ANO6: variants seen among roughly 807,000 people sequenced by gnomAD.
ANO6 encodes anoctamin-6.
In ANO6, 106 loss-of-function variants were observed where a neutral mutation model predicts 117.5. The observed-to-expected ratio is 0.90, with a 90% CI of 0.77 to 1.06. The LOEUF (loss-of-function observed/expected upper bound fraction) is 1.06. Ranked by LOEUF, ANO6 falls within the 50% of genes least tolerant of loss-of-function variation. The probability of loss-of-function intolerance (pLI) is 0.00; values close to 1 mark genes in which losing one functional copy is unlikely to be tolerated. For synonymous variants in ANO6, 367 were observed against 385.1 expected (o/e 0.95, Z 0.55); for missense variants, 955 against 1,121.1 (o/e 0.85, Z 2.12).
intron 1 of ANO6, among the ~76,000 whole-genome samples, chr12:45,216,822 C>T (rs1024363127): frequency 1.1e-4 from 17 of 152,312 alleles, no homozygotes; most frequent in African/African-American, 3.4e-4. Flanking sequence ...CAGGGTGTGA[C>T]CCATCTGAAT....
intron 1 of ANO6, among the ~76,000 whole-genome samples, chr12:45,232,804 G>C (rs188951125): frequency 6.6e-6 from 1 of 152,158 alleles, no homozygotes; most frequent in East Asian, 1.9e-4. Flanking sequence ...AACAAAACTC[G>C]GTCAGTCACC....
rs184650234 is a variant in ANO6, at chr12:45,317,056, A to G, written c.151-14239A>G. Among the ~76,000 whole-genome samples the G allele has an allele frequency of 2.8e-5, 4 of 141,486 alleles. 1 individual carries two copies. Among genetic ancestry groups the G allele is most frequent in the African/African-American group, 1.0e-4 (4 of 39,606 alleles). 92.8% of individuals were successfully genotyped at this position (141,486 alleles called of 152,430 possible). Reference sequence around the variant, plus strand: ...CTTCTAAAACAGTAAGAAGGGTATCATTTTTTATACATTTTGCAGATCTCT... The same window carrying G: ...CTTCTAAAACAGTAAGAAGGGTATCGTTTTTTATACATTTTGCAGATCTCT... On this transcript the variant is annotated intron_variant, in intron 2 of 19. Coordinates refer to ENST00000320560, the MANE Select transcript of ANO6 (RefSeq NM_001025356.3).
At chr12:45,292,942 C>T (rs1215765930) in intron 1 of ANO6, 1 of 1,551,366 alleles carries the variant, frequency 6.4e-7, no homozygotes, top group South Asian at 1.2e-5. Context: ...CTGGTAAGAA[C>T]ATGTTCCTAT....
At position 45,430,093 on chromosome 12, in the gene ANO6, T is replaced by TCAAA. The variant is rs1448377866; in HGVS notation, c.*785_*788dup. ...GACAAAAGCAGGGAAAGTTACAGAT[T>TCAAA]CAAACAGCATTTTAACTCATGTTGA... On this transcript the variant is annotated 3_prime_UTR_variant, in exon 20 of 20. Coordinates refer to ENST00000320560, the MANE Select transcript of ANO6 (RefSeq NM_001025356.3). The TCAAA allele has an allele frequency of 1.0e-6, 1 of 985,346 alleles. No homozygotes were observed. The highest frequency in any genetic ancestry group is 1.2e-6 in the Non-Finnish European group (1 of 829,936). The allele number at this position is 985,346 out of a possible 1,614,324, so 61.0% of individuals were successfully genotyped here.
chr12:45,360,089 G>T (rs548418072), intron 8 of ANO6, among the ~76,000 whole-genome samples: 5 of 152,106 alleles, frequency 3.3e-5, no homozygotes, highest in Non-Finnish European at 7.4e-5. Flanking sequence ...CAAATCCCTT[G>T]CCTATTTTAG....
intron 2 of ANO6, among the ~76,000 whole-genome samples, chr12:45,330,057 C>T (rs953823929): frequency 6.6e-5 from 10 of 152,018 alleles, no homozygotes; most frequent in Non-Finnish European, 5.9e-5. Flanking sequence ...ATGGCAGTCA[C>T]GCTGTTTGTG....
rs995844486 is a variant in ANO6 at position 45,430,715 on chromosome 12, C to G, written c.*1404C>G. 2.0e-6 allele frequency: 2 copies of G among 985,416 alleles called. No individual in the cohort carries two copies. The highest frequency in any genetic ancestry group is 2.4e-6 in the Non-Finnish European group (2 of 829,950). 61.0% of individuals were successfully genotyped at this position (985,416 alleles called of 1,614,324 possible). A position where few individuals can be genotyped will look rare whatever the true frequency, so the allele number is the denominator to read the frequency against. ...TACTTCCTGCTGCACTCCTGTCTTG[C>G]CATGCACGTCTTGCCCCCTCACTTT... On this transcript the variant is annotated 3_prime_UTR_variant, in exon 20 of 20. Transcript: ENST00000320560.
At chr12:45,427,206 T>A (rs1174464192) in intron 19 of ANO6, among the ~76,000 whole-genome samples, 1 of 152,108 alleles carries the variant, frequency 6.6e-6, no homozygotes, top group African/African-American at 2.4e-5. Context: ...GCCACTATCA[T>A]TTTTTGCCTG....
At chr12:45,237,400 A>G (rs2137154102) in intron 1 of ANO6, among the ~76,000 whole-genome samples, 1 of 152,220 alleles carries the variant, frequency 6.6e-6, no homozygotes, top group East Asian at 1.9e-4. Flanking sequence ...TAATTTTTGT[A>G]TAAGGTGTAA....
chr12:45,226,011 A>G (rs1243444380), intron 1 of ANO6, among the ~76,000 whole-genome samples: 1 of 151,688 alleles, frequency 6.6e-6, no homozygotes, highest in Non-Finnish European at 1.5e-5. Context: ...TTTTTTCTTT[A>G]GTTTTGTATT....
At chr12:45,426,533 C>A (rs1837586894) in intron 19 of ANO6, among the ~76,000 whole-genome samples, 1 of 152,098 alleles carries the variant, frequency 6.6e-6, no homozygotes, top group Admixed American at 6.5e-5. Flanking sequence ...GCTGCTCTTG[C>A]CAAAGTTAGC....
chr12:45,263,093 A>G (rs1340635439), intron 1 of ANO6, among the ~76,000 whole-genome samples: 1 of 151,828 alleles, frequency 6.6e-6, no homozygotes, highest in Non-Finnish European at 1.5e-5. Flanking sequence ...TGCTGTTATA[A>G]ATAATATTGA....
chr12:45,277,483 C>G (rs1286944786), intron 1 of ANO6, among the ~76,000 whole-genome samples: 1 of 152,114 alleles, frequency 6.6e-6, no homozygotes, highest in Non-Finnish European at 1.5e-5. Flanking sequence ...TAGACCTCAG[C>G]CGAGTGAGGG....
intron 2 of ANO6, among the ~76,000 whole-genome samples, chr12:45,303,537 G>C (rs1019000299): frequency 6.6e-6 from 1 of 152,144 alleles, no homozygotes; most frequent in Non-Finnish European, 1.5e-5. Flanking sequence ...TACATAGTTC[G>C]CACCAATTCC....
intron 11 of ANO6, among the ~76,000 whole-genome samples, chr12:45,389,914 G>A (rs1008897684): frequency 6.6e-6 from 1 of 152,096 alleles, no homozygotes; most frequent in African/African-American, 2.4e-5. Context: ...ATCATGTAGA[G>A]GGTTGATTTC....
At chr12:45,377,896 G>C (rs1342345901) in intron 9 of ANO6, among the ~76,000 whole-genome samples, 157 bp from the exon 10 acceptor site, 1 of 152,150 alleles carries the variant, frequency 6.6e-6, no homozygotes, top group Non-Finnish European at 1.5e-5. Context: ...AGTATGTAGT[G>C]GATACATTGA....
intron 12 of ANO6, among the ~76,000 whole-genome samples, chr12:45,393,337 G>A (rs944118743): frequency 1.3e-5 from 2 of 152,178 alleles, no homozygotes; most frequent in Non-Finnish European, 2.9e-5. Flanking sequence ...AAGAAATATG[G>A]GACTATGTGA....
intron 7 of ANO6, among the ~76,000 whole-genome samples, chr12:45,351,026 A>G (rs959233270): frequency 2.0e-5 from 3 of 152,190 alleles, no homozygotes; most frequent in African/African-American, 4.8e-5. Context: ...CAGTTCTCCA[A>G]TCACATGGTT....
At chr12:45,424,645 G>C (rs1007221609) in intron 19 of ANO6, among the ~76,000 whole-genome samples, 2 of 152,026 alleles carry the variant, frequency 1.3e-5, no homozygotes, top group Non-Finnish European at 2.9e-5. Flanking sequence ...CCTAGGTGAT[G>C]GGCTTTAATA....
Sources: allele counts gnomAD v4.1 joint callset (sites outside exome capture counted in the v4.1 genomes callset), GRCh38; gene constraint gnomAD v4.1.1; transcripts MANE v1.5; gene names NCBI Gene and HGNC (gene_info 2026-07-23, HGNC 2026-07-21).